The following LCLAT1 variants were observed in gnomAD, a reference collection of about 807,000 sequenced individuals.
The protein encoded by LCLAT1 is 1-AGP acyltransferase 8.
In LCLAT1, 11 loss-of-function variants were observed where a neutral mutation model predicts 30.7. The ratio of observed to expected loss-of-function variants is 0.36; its 90% CI spans 0.23 to 0.59. The LOEUF (loss-of-function observed/expected upper bound fraction) is 0.59. Among genes scored for constraint, LCLAT1 ranks in the 20% least tolerant of loss-of-function variants. LCLAT1 has a pLI of 0.77. For missense variants in LCLAT1, 402 were observed against 458.6 expected (o/e 0.88, Z 1.13); for synonymous variants, 155 against 151.3 (o/e 1.02, Z -0.18).
chr2:30,631,468 C>G (rs1450994360), intron 5 of LCLAT1, among the ~76,000 whole-genome samples: 1 of 152,076 alleles, frequency 6.6e-6, no homozygotes, highest in East Asian at 1.9e-4. Flanking sequence ...CCACAGCATG[C>G]CCTACACCAC....
intron 5 of LCLAT1, among the ~76,000 whole-genome samples, chr2:30,622,507 C>T (rs1174834075): frequency 6.6e-6 from 1 of 152,154 alleles, no homozygotes; most frequent in Non-Finnish European, 1.5e-5. Context: ...ACACAAAAAA[C>T]AGCACACTGA....
At chr2:30,635,732 C>A (rs1668992360) in intron 5 of LCLAT1, among the ~76,000 whole-genome samples, 1 of 152,170 alleles carries the variant, frequency 6.6e-6, no homozygotes, top group Non-Finnish European at 1.5e-5. Context: ...GTAGTAGATG[C>A]TAACATCCAA....
At chr2:30,471,678 G>A (rs149722081) in intron 1 of LCLAT1, among the ~76,000 whole-genome samples, 87 of 152,016 alleles carry the variant, frequency 5.7e-4, no homozygotes, top group African/African-American at 2.0e-3. Context: ...TTTTCCTTTC[G>A]GTTTGTTTAT....
chr2:30,493,707 T>C (rs1205681159), intron 1 of LCLAT1, among the ~76,000 whole-genome samples: 3 of 152,216 alleles, frequency 2.0e-5, no homozygotes, highest in Non-Finnish European at 4.4e-5. Context: ...CAACCACTGA[T>C]CTTTTTTCTA....
rs1572583138 is a variant in LCLAT1, at chr2:30,533,428, A to C, written c.364+114A>C. On this transcript the variant is annotated intron_variant, in intron 3 of 5. Coordinates refer to ENST00000379509, the MANE Select transcript of LCLAT1 (RefSeq NM_001002257.3). ...CCATTTTTTTCCTCACTGGGCCAAA[A>C]ACAATCTCTGGTTCTTTTGTCTTTA... The C allele has an allele frequency of 1.7e-5, 14 of 819,076 alleles. No homozygotes were observed. In the East Asian group the frequency reaches 3.4e-4, roughly 20 times the overall value. 50.7% of individuals were successfully genotyped at this position (819,076 alleles called of 1,614,324 possible). A position where few individuals can be genotyped will look rare whatever the true frequency, so the allele number is the denominator to read the frequency against.
At chr2:30,571,233 A>C (rs1444529607) in intron 5 of LCLAT1, among the ~76,000 whole-genome samples, 1 of 152,218 alleles carries the variant, frequency 6.6e-6, no homozygotes, top group Non-Finnish European at 1.5e-5. Context: ...CAAAATAGAA[A>C]TTAAATTCCC....
At chr2:30,510,177 C>G (rs1380490597) in intron 1 of LCLAT1, among the ~76,000 whole-genome samples, 1 of 152,116 alleles carries the variant, frequency 6.6e-6, no homozygotes, top group African/African-American at 2.4e-5. Context: ...CCTTCTTGAC[C>G]TCTCATCTAT....
At chr2:30,524,708 C>T (rs1685625819) in intron 1 of LCLAT1, among the ~76,000 whole-genome samples, 2 of 151,990 alleles carry the variant, frequency 1.3e-5, no homozygotes, top group Non-Finnish European at 2.9e-5. Context: ...GATTGACTGT[C>T]GAGGTATAGC....
chr2:30,511,528 T>G (rs917849265), intron 1 of LCLAT1, among the ~76,000 whole-genome samples: 1 of 152,200 alleles, frequency 6.6e-6, no homozygotes, highest in Non-Finnish European at 1.5e-5. Context: ...TGGCTGCAGT[T>G]TTGGACAGCA....
intron 5 of LCLAT1, among the ~76,000 whole-genome samples, chr2:30,576,179 G>C (rs1665986570): frequency 6.6e-6 from 1 of 152,084 alleles, no homozygotes; most frequent in Non-Finnish European, 1.5e-5. Context: ...GCTGATAACT[G>C]TGACCTTTAC....
chr2:30,535,580 G>A (rs1037089643), intron 3 of LCLAT1, among the ~76,000 whole-genome samples: 1 of 152,184 alleles, frequency 6.6e-6, no homozygotes, highest in African/African-American at 2.4e-5. Context: ...ATCATATGGA[G>A]TCTATATTAC....
chr2:30,500,405 G>A (rs1015036985), intron 1 of LCLAT1, among the ~76,000 whole-genome samples: 4 of 152,134 alleles, frequency 2.6e-5, no homozygotes, highest in African/African-American at 7.2e-5. Flanking sequence ...GCCTAGATAA[G>A]CTTGTTTCAT....
intron 5 of LCLAT1, among the ~76,000 whole-genome samples, chr2:30,599,188 G>A (rs957568949): frequency 3.3e-5 from 5 of 152,034 alleles, no homozygotes; most frequent in South Asian, 2.1e-4. Flanking sequence ...CACCATGTTC[G>A]CCAGGCTGGT....
chr2:30,613,495 C>T (rs1667839996), intron 5 of LCLAT1, among the ~76,000 whole-genome samples: 1 of 151,710 alleles, frequency 6.6e-6, no homozygotes, highest in Non-Finnish European at 1.5e-5. Flanking sequence ...TGCCCCTACA[C>T]ACCTGTGGGT....
At chr2:30,453,775 C>G (rs990842678) in intron 1 of LCLAT1, among the ~76,000 whole-genome samples, 1 of 152,072 alleles carries the variant, frequency 6.6e-6, no homozygotes, top group Non-Finnish European at 1.5e-5. Context: ...TTATGAAGAC[C>G]GTAGGTAGTA....
intron 1 of LCLAT1, among the ~76,000 whole-genome samples, chr2:30,495,162 C>T (rs950894214): frequency 1.3e-5 from 2 of 152,074 alleles, no homozygotes; most frequent in South Asian, 2.1e-4. Flanking sequence ...TGCTTTCCTA[C>T]GAATTTAATT....
At chr2:30,496,317 T>A (rs1031666560) in intron 1 of LCLAT1, among the ~76,000 whole-genome samples, 11 of 152,072 alleles carry the variant, frequency 7.2e-5, no homozygotes, top group Non-Finnish European at 1.5e-4. Context: ...TCTGAATTAG[T>A]TGGTTGGGGG....
chr2:30,586,039 G>A (rs1023026646), intron 5 of LCLAT1, among the ~76,000 whole-genome samples: 2 of 151,954 alleles, frequency 1.3e-5, no homozygotes, highest in African/African-American at 4.8e-5. Context: ...TCCGGAGATC[G>A]AGACCATCCT....
Position 30,577,367 on chromosome 2 carries a change from C to T in LCLAT1, c.628+9191C>T, listed in dbSNP as rs1388520276. Among the ~76,000 whole-genome samples the T allele has an allele frequency of 3.3e-5, 5 of 152,186 alleles. No homozygotes were observed. In the South Asian group the frequency reaches 1.0e-3, roughly 32 times the overall value. On this transcript the variant is annotated intron_variant, in intron 5 of 5. Coordinates refer to ENST00000379509, the MANE Select transcript of LCLAT1 (RefSeq NM_001002257.3). Reference sequence around the variant, plus strand: ...GCTTAAGTGTTCTCAGTGGCTTTCACTCCCTCCACACAAGAGTATTGCATT... The same window carrying T: ...GCTTAAGTGTTCTCAGTGGCTTTCATTCCCTCCACACAAGAGTATTGCATT...
Sources: allele counts gnomAD v4.1 joint callset (sites outside exome capture counted in the v4.1 genomes callset), GRCh38; gene constraint gnomAD v4.1.1; transcripts MANE v1.5; gene names NCBI Gene and HGNC (gene_info 2026-07-23, HGNC 2026-07-21).